Variants in ZNF831 observed in about 807,000 individuals in gnomAD.
ZNF831 encodes the protein chromosome 20 open reading frame 174.
A neutral mutation model predicts 95.8 loss-of-function variants in ZNF831; 59 were observed. The ratio of observed to expected loss-of-function variants is 0.62; its 90% confidence interval spans 0.50 to 0.77. The LOEUF is 0.77. ZNF831 is among the 30% of genes least tolerant of loss of function. The pLI is 0.00. For missense variants in ZNF831, 2,205 were observed against 2,164.0 expected, an observed-to-expected ratio of 1.02 and a Z score of -0.38; for synonymous variants, 961 against 925.5, an observed-to-expected ratio of 1.04 and a Z score of -0.70.
chr20:59,193,693 G>C lies in ZNF831; in HGVS notation c.2674G>C (p.Val892Leu), dbSNP rs1983819967. The C allele has an allele frequency of 1.2e-6, 2 of 1,612,984 alleles. No individual in the cohort carries two copies. The highest frequency in any genetic ancestry group is 1.7e-6 in the Non-Finnish European group (2 of 1,179,722). The change falls in exon 2 of 6, where the codon GTT becomes CTT. Residue 892 changes from valine (V) to leucine (L), a missense_variant. By Grantham distance (32) the Val-to-Leu change is conservative (BLOSUM62 1). Transcript: ENST00000371030. Reference sequence around the variant, plus strand: ...TGGAGCCTCCTTGGCTGCTGCTTCTGTTGCCCTGAAGAGGGTGGGGCCAAG... The same window carrying C: ...TGGAGCCTCCTTGGCTGCTGCTTCTCTTGCCCTGAAGAGGGTGGGGCCAAG... ...SSGASLAAAS[V>L]ALKRVGPRDK...
At chr20:59,250,011 C>T (rs1298938778) in intron 4 of ZNF831, among the ~76,000 whole-genome samples, 2 of 152,160 alleles carry the variant, frequency 1.3e-5, no homozygotes, top group African/African-American at 4.8e-5. Flanking sequence ...AGTGAGAAGA[C>T]TCCCCACAAC....
rs1016648039 is a variant in ZNF831 at position 59,257,916 on chromosome 20, C to T, written c.*3173C>T. 3.9e-5 allele frequency: 6 copies of T among 152,134 alleles called. No homozygotes were observed. Among genetic ancestry groups the T allele is most frequent in the African/African-American group, 1.4e-4 (6 of 41,434 alleles). 9.4% of individuals were successfully genotyped at this position (152,134 alleles called of 1,614,324 possible). A position where few individuals can be genotyped will look rare whatever the true frequency, so the allele number is the denominator to read the frequency against. On this transcript the variant is annotated 3_prime_UTR_variant, in exon 6 of 6. Coordinates refer to ENST00000371030, the MANE Select transcript of ZNF831 (RefSeq NM_178457.3). ...TTTCTCTCTCCACCTGTACCTACAC[C>T]CAGCTAGATCTTGTCGTTAAAGATG... is the stretch of plus-strand genomic sequence containing the variant.
At chr20:59,250,858 G>A (rs780595494) in intron 4 of ZNF831, among the ~76,000 whole-genome samples, 36 of 151,866 alleles carry the variant, frequency 2.4e-4, no homozygotes, top group Non-Finnish European at 4.6e-4. Flanking sequence ...ACATCACAGC[G>A]AAAAGATAAG....
intron 1 of ZNF831, among the ~76,000 whole-genome samples, chr20:59,172,968 T>G (rs140931046): frequency 4.6e-5 from 7 of 152,306 alleles, no homozygotes; most frequent in African/African-American, 1.7e-4. Flanking sequence ...TTTGACTCAG[T>G]TAAATCTAGT....
chr20:59,207,416 G>T (rs1430417704), intron 4 of ZNF831, among the ~76,000 whole-genome samples: 1 of 152,200 alleles, frequency 6.6e-6, no homozygotes, highest in African/African-American at 2.4e-5. Flanking sequence ...AGCTCACTCA[G>T]TTCTCTCTGC....
intron 4 of ZNF831, among the ~76,000 whole-genome samples, chr20:59,213,742 G>A (rs560738426): frequency 1.3e-5 from 2 of 152,270 alleles, no homozygotes; most frequent in African/African-American, 2.4e-5. Flanking sequence ...AATCCAGTGG[G>A]TTACCAGTGG....
chr20:59,253,869 C>CCGGGGGG, intron 5 of ZNF831, 29 bp from the exon 6 acceptor site: 3 of 1,067,556 alleles, frequency 2.8e-6, no homozygotes, highest in Non-Finnish European at 2.5e-6. Context: ...TCCCCCCCCA[C>CCGGGGGG]TTTTTTTTTC....
chr20:59,180,738 T>C (rs1601344246), intron 1 of ZNF831, among the ~76,000 whole-genome samples: 1 of 152,248 alleles, frequency 6.6e-6, no homozygotes, highest in South Asian at 2.1e-4. Context: ...TATTCCATGG[T>C]GTATATGTGC....
chr20:59,194,371 C>A lies in ZNF831; in HGVS notation c.3352C>A (p.Pro1118Thr), dbSNP rs777769572. Residue 1118 changes from proline to threonine, a missense_variant, in exon 2 of 6, where the codon CCC (proline) becomes ACC (threonine). Transcript: ENST00000371030. The stretch of plus-strand genomic sequence containing the variant: ...TGCCCCAGAAGATCCTTCTTCAGGG[C>A]CCCTGGTGGGCCCCGACCCGTGTTC... ...GNAPEDPSSG[P>T]LVGPDPCSPL... 1 of 1,611,510 alleles carries A rather than the reference C, an allele frequency of 6.2e-7. No individual in the cohort carries two copies. The highest frequency in any genetic ancestry group is 1.7e-5 in the Admixed American group (1 of 59,802).
At position 59,183,726 on chromosome 20, in the gene ZNF831, G is replaced by A. The variant is rs973766694; in HGVS notation, c.-36-7258G>A. Among the ~76,000 whole-genome samples the A allele has an allele frequency of 6.6e-5, 10 of 152,194 alleles. No homozygotes were observed. In the South Asian group the frequency reaches 1.0e-3, roughly 16 times the overall value. On this transcript the variant is annotated intron_variant, in intron 1 of 5. Coordinates refer to ENST00000371030, the MANE Select transcript of ZNF831 (RefSeq NM_178457.3). ...ACTGTTTTGATTTAAAACAATTTTC[G>A]AAGTTAATAGACAATTTTTAAGAGT...
Position 59,191,278 on chromosome 20 carries a change from G to T in ZNF831, c.259G>T (p.Val87Leu). Residue 87 changes from valine to leucine, a missense_variant, in exon 2 of 6, where the codon GTG becomes TTG. Physicochemically the swap from Val to Leu is conservative, Grantham distance 32. Transcript: ENST00000371030. ...LVTGSLDGGN[V>L]PFILSPVLQP... ...GACGGGCAGCCTAGATGGGGGCAAC[G>T]TGCCCTTCATACTCAGCCCTGTGCT... 6.4e-7 allele frequency: 1 copy of T among 1,564,764 alleles called. No individual in the cohort carries two copies. Among genetic ancestry groups the T allele is most frequent in the Non-Finnish European group, 8.7e-7 (1 of 1,155,490 alleles).
At chr20:59,141,642 G>A (rs1197692589) in intron 1 of ZNF831, among the ~76,000 whole-genome samples, 2 of 152,126 alleles carry the variant, frequency 1.3e-5, no homozygotes, top group East Asian at 1.9e-4. Flanking sequence ...CTTAAAATCA[G>A]GTAATGTGAT....
intron 1 of ZNF831, among the ~76,000 whole-genome samples, chr20:59,176,227 G>A (rs976822117): frequency 6.6e-6 from 1 of 152,168 alleles, no homozygotes; most frequent in Non-Finnish European, 1.5e-5. Flanking sequence ...CAAAAAAGCC[G>A]CATAATATGT....
intron 1 of ZNF831, 69 bp from the exon 2 acceptor site, chr20:59,190,915 G>C: frequency 7.3e-7 from 1 of 1,372,548 alleles, no homozygotes; most frequent in Non-Finnish European, 9.6e-7. Flanking sequence ...CTTGGTGCAG[G>C]GTAGGCAAGA....
chr20:59,191,895 G>A lies in ZNF831; in HGVS notation c.876G>A (p.Ala292=), dbSNP rs907712312. Residue 292 remains alanine (A), a synonymous_variant, in exon 2 of 6, where the codon GCG becomes GCA. Coordinates refer to ENST00000371030, the MANE Select transcript of ZNF831 (RefSeq NM_178457.3). ...CCATGGCGTCACCTGGGCTCCCAGC[G>A]GCCAGCACACAACCCTGGCGTAAGT... The part of the protein sequence containing the change: ...SAPMASPGLP[A]ASTQPWRKLP... The A allele has an allele frequency of 6.2e-7, 1 of 1,612,852 alleles. No individual in the cohort carries two copies.
chr20:59,238,617 A>C (rs990866873), intron 4 of ZNF831, among the ~76,000 whole-genome samples: 4 of 152,204 alleles, frequency 2.6e-5, no homozygotes, highest in Non-Finnish European at 5.9e-5. Context: ...TGGAAGAAGA[A>C]GGCTTAACTT....
rs936311313 is a variant in ZNF831 at position 59,217,785 on chromosome 20, A to G, written c.4027+10729A>G. On this transcript the variant is annotated intron_variant, in intron 4 of 5. Transcript: ENST00000371030. This position sits in a 1 kb window ranked among gnomAD's most constrained non-coding sequence, Gnocchi z 4.4. ...ATAAGACTCGTTTATTTATTTATTTATTTTTTTAAATCACAGAGAAGTAAG... is the reference window on the plus strand; with the variant it reads ...ATAAGACTCGTTTATTTATTTATTTGTTTTTTTAAATCACAGAGAAGTAAG... Among the ~76,000 whole-genome samples, 2 of 152,076 alleles carry G rather than the reference A, an allele frequency of 1.3e-5. No homozygotes were observed. The highest frequency in any genetic ancestry group is 2.9e-5 in the Non-Finnish European group (2 of 68,006).
At position 59,194,330 on chromosome 20, in the gene ZNF831, G is replaced by C. The variant is rs1038503220; in HGVS notation, c.3311G>C (p.Gly1104Ala). Residue 1104 changes from glycine (G) to alanine (A), a missense_variant, in exon 2 of 6, where the codon GGG (glycine) becomes GCG (alanine). By Grantham distance (60) the Gly-to-Ala change is moderately conservative (BLOSUM62 0). Transcript: ENST00000371030. ...CCCTGGGTACCCAACTGGGAGCTGG[G>C]GGAGCCTCCTGGGAATGCCCCAGAA... ...LNPWVPNWELGEPPGNAPEDP... is the reference protein window; with the variant it reads ...LNPWVPNWELAEPPGNAPEDP... The C allele has an allele frequency of 1.4e-5, 22 of 1,613,506 alleles. No individual in the cohort carries two copies. The Admixed American group carries it at 3.2e-4, about 23-fold the overall frequency.
At chr20:59,137,262 A>G (rs1162363588) in intron 1 of ZNF831, among the ~76,000 whole-genome samples, 1 of 134,434 alleles carries the variant, frequency 7.4e-6, no homozygotes, top group East Asian at 2.3e-4. Context: ...TATGCCTTTA[A>G]TATGCTTCCA....
Sources: gnomAD v4.1 joint callset for allele counts (sites outside exome capture counted in the v4.1 genomes callset) on GRCh38, gnomAD v4.1.1 for gene constraint, Gnocchi (gnomAD v3.1) non-coding constraint, MANE v1.5 for transcripts, NCBI Gene and HGNC (gene_info 2026-07-23, HGNC 2026-07-21) for gene names.